The following MECOM variants were observed in gnomAD, a reference collection of about 807,000 sequenced individuals.
MECOM encodes histone-lysine N-methyltransferase MECOM.
In MECOM, 13 loss-of-function variants were observed where a neutral mutation model predicts 116.3. The ratio of observed to expected loss-of-function variants is 0.11; its 90% confidence interval spans 0.07 to 0.18. The LOEUF (loss-of-function observed/expected upper bound fraction) is 0.18, where lower values mean the gene tolerates loss of function less well. MECOM is among the 10% of genes least tolerant of loss of function. The pLI, the probability that MECOM is intolerant of heterozygous loss-of-function variation, is 1.00. For synonymous variants in MECOM, 528 were observed against 535.2 expected (o/e 0.99, Z 0.19); for missense variants, 1,299 against 1,509.0 (o/e 0.86, Z 2.31).
intron 2 of MECOM, among the ~76,000 whole-genome samples, chr3:169,220,561 G>A (rs1008601226): frequency 6.6e-6 from 1 of 151,844 alleles, no homozygotes; most frequent in Non-Finnish European, 1.5e-5. Context: ...TGCAACCTCC[G>A]CCTCCCAGGT....
intron 2 of MECOM, chr3:169,145,263 T>A (rs1199726510): frequency 9.1e-6 from 4 of 440,368 alleles, no homozygotes; most frequent in Admixed American, 7.9e-5. Flanking sequence ...CACTTAAACA[T>A]CCTTTCTATT....
intron 1 of MECOM, among the ~76,000 whole-genome samples, chr3:169,383,382 AATTG>A (rs1732799927): frequency 6.6e-6 from 1 of 152,084 alleles, no homozygotes; most frequent in African/African-American, 2.4e-5. Flanking sequence ...TCTGCCCTCA[AATTG>A]ATTCTCTTGT....
chr3:169,298,576 C>G (rs1365347803), intron 2 of MECOM, among the ~76,000 whole-genome samples: 1 of 151,716 alleles, frequency 6.6e-6, no homozygotes, highest in African/African-American at 2.4e-5. Context: ...GAATTTGGCC[C>G]TAGGGTACTG....
chr3:169,305,869 A>G (rs192060962), intron 2 of MECOM, among the ~76,000 whole-genome samples: 1 of 151,652 alleles, frequency 6.6e-6, no homozygotes, highest in Admixed American at 6.6e-5. Flanking sequence ...CCAATGACTT[A>G]CTTCAACTCA....
intron 2 of MECOM, among the ~76,000 whole-genome samples, chr3:169,177,847 G>A (rs1745390119): frequency 6.6e-6 from 1 of 151,862 alleles, no homozygotes; most frequent in Non-Finnish European, 1.5e-5. Context: ...GAACCCGGGA[G>A]GCAGAGGTTG....
intron 1 of MECOM, among the ~76,000 whole-genome samples, chr3:169,467,705 A>G (rs1223529510): frequency 6.6e-6 from 1 of 152,164 alleles, no homozygotes; most frequent in Non-Finnish European, 1.5e-5. Context: ...GTTCAGTGGT[A>G]AGCTTTCATT....
At chr3:169,620,620 G>A (rs1770591608) in intron 1 of MECOM, among the ~76,000 whole-genome samples, 2 of 152,174 alleles carry the variant, frequency 1.3e-5, no homozygotes, top group South Asian at 4.1e-4. Flanking sequence ...TTGTCTCCAT[G>A]GGCTCAGGAA....
intron 1 of MECOM, among the ~76,000 whole-genome samples, chr3:169,414,999 C>A (rs4955651): frequency 0.044 from 6,740 of 152,222 alleles, 453 homozygotes; most frequent in Admixed American, 0.19. Flanking sequence ...CCTAGCAAGA[C>A]AAGCTAACAT....
At chr3:169,088,066 G>A (rs912102670) in intron 16 of MECOM, among the ~76,000 whole-genome samples, 6 of 152,098 alleles carry the variant, frequency 3.9e-5, no homozygotes, top group African/African-American at 1.4e-4. Context: ...TACATTTGCT[G>A]TTAAGACAAA....
At position 169,540,086 on chromosome 3, in the gene MECOM, C is replaced by T. The variant is rs1472733868; in HGVS notation, c.37+123250G>A. ...TCATGTACGCTCTCTCTTCCTGTGC[C>T]AAGGACTCCCACATCTGAATCTTCA... On this transcript the variant is annotated intron_variant, in intron 1 of 16. Transcript: ENST00000651503. Among the ~76,000 whole-genome samples, 71 of 152,162 alleles carry T rather than the reference C, an allele frequency of 4.7e-4. 3 individuals are homozygous for T. The highest frequency in any genetic ancestry group is 4.6e-3 in the Admixed American group (71 of 15,272).
chr3:169,088,420 A>G (rs1290358976), intron 16 of MECOM, among the ~76,000 whole-genome samples: 1 of 152,108 alleles, frequency 6.6e-6, no homozygotes. Flanking sequence ...CCATTCATTC[A>G]CTCATTCATT....
intron 1 of MECOM, among the ~76,000 whole-genome samples, chr3:169,411,592 C>T (rs978441403): frequency 2.0e-5 from 3 of 152,208 alleles, no homozygotes; most frequent in East Asian, 1.9e-4. Context: ...TATTGTGACT[C>T]CAGATGGCAT....
At chr3:169,316,015 C>T (rs1007341438) in intron 2 of MECOM, among the ~76,000 whole-genome samples, 3 of 152,168 alleles carry the variant, frequency 2.0e-5, no homozygotes, top group Admixed American at 2.0e-4. Context: ...AGAGCCTGTG[C>T]TTTCTTAATT....
chr3:169,304,263 T>C (rs1232351599), intron 2 of MECOM, among the ~76,000 whole-genome samples: 1 of 152,232 alleles, frequency 6.6e-6, no homozygotes, highest in East Asian at 1.9e-4. Context: ...CTATACATCA[T>C]CTGTTCAGCT....
intron 2 of MECOM, among the ~76,000 whole-genome samples, chr3:169,281,843 G>A (rs1029247597): frequency 2.0e-5 from 3 of 152,008 alleles, no homozygotes; most frequent in African/African-American, 7.3e-5. Context: ...AGACTTAATT[G>A]AACCGTAAAT....
intron 2 of MECOM, among the ~76,000 whole-genome samples, chr3:169,261,186 A>C (rs1757487373): frequency 6.6e-6 from 1 of 152,168 alleles, no homozygotes; most frequent in Non-Finnish European, 1.5e-5. Context: ...CATTACTGTA[A>C]GGGACAAACT....
At chr3:169,288,752 A>G (rs958938165) in intron 2 of MECOM, among the ~76,000 whole-genome samples, 1 of 152,134 alleles carries the variant, frequency 6.6e-6, no homozygotes, top group Non-Finnish European at 1.5e-5. Flanking sequence ...ATGCTAATAG[A>G]TCTCAAGTTA....
At chr3:169,521,256 C>A (rs768851221) in intron 1 of MECOM, among the ~76,000 whole-genome samples, 1 of 152,184 alleles carries the variant, frequency 6.6e-6, no homozygotes, top group Admixed American at 6.5e-5. Context: ...AACTTCCCTA[C>A]TCCTTACAGC....
chr3:169,372,696 G>A (rs948589046), intron 2 of MECOM, among the ~76,000 whole-genome samples: 2 of 152,016 alleles, frequency 1.3e-5, no homozygotes, highest in Non-Finnish European at 2.9e-5. Context: ...TGCTTCTGCT[G>A]TTGTCTTGTT....
Sources: allele counts gnomAD v4.1 joint callset (sites outside exome capture counted in the v4.1 genomes callset), GRCh38; gene constraint gnomAD v4.1.1; transcripts MANE v1.5; gene names NCBI Gene and HGNC (gene_info 2026-07-23, HGNC 2026-07-21).